The following CNTN3 variants were observed in gnomAD, a reference collection of about 807,000 sequenced individuals.
CNTN3 encodes contactin-3.
CNTN3 carries 60 observed loss-of-function variants against 119.1 expected under a neutral mutation model. The observed-to-expected ratio is 0.50, with a 90% CI of 0.41 to 0.62. The LOEUF (loss-of-function observed/expected upper bound fraction) is 0.62. Ranked by LOEUF, CNTN3 falls within the 20% of genes least tolerant of loss-of-function variation. CNTN3 has a pLI of 0.00. For missense variants in CNTN3, 1,101 were observed against 1,242.4 expected, an observed-to-expected ratio of 0.89 and a Z score of 1.71; for synonymous variants, 450 against 438.7, an observed-to-expected ratio of 1.03 and a Z score of -0.32.
chr3:74,535,627 A>G (rs1468027724), intron 1 of CNTN3, among the ~76,000 whole-genome samples: 4 of 152,080 alleles, frequency 2.6e-5, no homozygotes, highest in African/African-American at 4.8e-5. Context: ...AGGGCTGTCA[A>G]TGCGATACAA....
chr3:74,395,506 G>A (rs1575684986), intron 5 of CNTN3, among the ~76,000 whole-genome samples: 1 of 152,182 alleles, frequency 6.6e-6, no homozygotes, highest in East Asian at 1.9e-4. Flanking sequence ...ATTTAGTAAA[G>A]GTTATATAAG....
intron 3 of CNTN3, among the ~76,000 whole-genome samples, chr3:74,488,896 G>C (rs2107050929): frequency 6.6e-6 from 1 of 152,258 alleles, no homozygotes; most frequent in South Asian, 2.1e-4. Context: ...TATTTGCAAA[G>C]TAAACTCTCT....
At chr3:74,268,743 T>C (rs1370066664) in intron 20 of CNTN3, among the ~76,000 whole-genome samples, 1 of 152,116 alleles carries the variant, frequency 6.6e-6, no homozygotes, top group Non-Finnish European at 1.5e-5. Flanking sequence ...TCAAATAATA[T>C]GAATGTACAA....
chr3:74,464,362 A>T (rs1575752132), intron 4 of CNTN3, among the ~76,000 whole-genome samples: 1 of 152,234 alleles, frequency 6.6e-6, no homozygotes, highest in East Asian at 1.9e-4. Flanking sequence ...ACTTGGTTAT[A>T]GAACCCAAGC....
At chr3:74,486,720 C>T in intron 3 of CNTN3, 89 bp from the exon 4 acceptor site, 1 of 1,098,172 alleles carries the variant, frequency 9.1e-7, no homozygotes, top group Non-Finnish European at 1.3e-6. Context: ...AAACATTATC[C>T]CTCAAAAGTA....
intron 20 of CNTN3, among the ~76,000 whole-genome samples, chr3:74,279,289 C>T (rs1242212673): frequency 6.6e-6 from 1 of 151,988 alleles, no homozygotes; most frequent in East Asian, 1.9e-4. Context: ...AGTCATTATA[C>T]GAAAAAGATA....
In CNTN3 at chr3:74,430,729, C is replaced by T. The variant is rs115171529; in HGVS notation, c.359-5789G>A. ...CCTCTTTCTTGACTGTGTTGGTCAA[C>T]ACATGTACATCCATGTGATAAAATT... On this transcript the variant is annotated intron_variant, in intron 4 of 22. Coordinates refer to ENST00000263665, the MANE Select transcript of CNTN3 (RefSeq NM_020872.3). Among the ~76,000 whole-genome samples the T allele has an allele frequency of 3.0e-3, 454 of 152,172 alleles. 5 individuals are homozygous for T. The highest frequency in any genetic ancestry group is 9.3e-3 in the African/African-American group (388 of 41,514).
chr3:74,344,679 G>A (rs569535723), intron 11 of CNTN3, among the ~76,000 whole-genome samples: 3 of 151,794 alleles, frequency 2.0e-5, no homozygotes, highest in South Asian at 2.1e-4. Context: ...TAGGATGGTC[G>A]CAATTTCCTG....
chr3:74,338,057 A>G, intron 11 of CNTN3, among the ~76,000 whole-genome samples: 1 of 152,102 alleles, frequency 6.6e-6, no homozygotes, highest in South Asian at 2.1e-4. Flanking sequence ...CACATAATGC[A>G]TTTAACACTT....
rs556410671 is a variant in CNTN3, at chr3:74,585,494, G to A, written c.-81+28897C>T. Among the ~76,000 whole-genome samples the A allele has an allele frequency of 1.2e-4, 19 of 152,222 alleles. No individual in the cohort carries two copies. The South Asian group carries it at 3.9e-3, about 32-fold the overall frequency. On this transcript the variant is annotated intron_variant, in intron 1 of 22. Transcript: ENST00000263665. Reference sequence around the variant, plus strand: ...TTTCTTATTTTGAATTCAAGTTTTAGAGAAGTAAAGTATTACAAGTAAGTG... The same window carrying A: ...TTTCTTATTTTGAATTCAAGTTTTAAAGAAGTAAAGTATTACAAGTAAGTG...
At chr3:74,422,523 C>G (rs901385623) in intron 5 of CNTN3, among the ~76,000 whole-genome samples, 1 of 152,290 alleles carries the variant, frequency 6.6e-6, no homozygotes, top group Admixed American at 6.5e-5. Flanking sequence ...AATTTTATAA[C>G]ATTTGAATAG....
chr3:74,515,960 T>C (rs1703443388), intron 2 of CNTN3, among the ~76,000 whole-genome samples: 1 of 151,850 alleles, frequency 6.6e-6, no homozygotes, highest in Non-Finnish European at 1.5e-5. Context: ...CACACATCTA[T>C]CTCCCAATCG....
intron 13 of CNTN3, among the ~76,000 whole-genome samples, chr3:74,322,395 A>G (rs144701229): frequency 1.4e-4 from 22 of 152,302 alleles, no homozygotes; most frequent in Admixed American, 1.4e-3. Flanking sequence ...AGAATACAAA[A>G]ATATGTTCAA....
intron 1 of CNTN3, among the ~76,000 whole-genome samples, chr3:74,537,910 C>T (rs553813424): frequency 3.3e-5 from 5 of 152,010 alleles, no homozygotes; most frequent in African/African-American, 9.6e-5. Context: ...ATTCCAAGAC[C>T]CAGAAACAGA....
At chr3:74,375,943 G>T (rs945769967) in intron 5 of CNTN3, among the ~76,000 whole-genome samples, 17 of 152,136 alleles carry the variant, frequency 1.1e-4, no homozygotes, top group African/African-American at 3.4e-4. Context: ...TGTGAATTCT[G>T]GTAGGCCCAC....
At chr3:74,345,330 T>G (rs2106735179) in intron 11 of CNTN3, among the ~76,000 whole-genome samples, 1 of 152,292 alleles carries the variant, frequency 6.6e-6, no homozygotes, top group Middle Eastern at 3.4e-3. Context: ...CATAAGGTAA[T>G]AAAACTTTAG....
intron 4 of CNTN3, among the ~76,000 whole-genome samples, chr3:74,430,866 C>T (rs1168205246): frequency 6.6e-6 from 1 of 152,040 alleles, no homozygotes; most frequent in East Asian, 1.9e-4. Flanking sequence ...TCCTTATTTC[C>T]TTTTATTTTC....
At chr3:74,403,529 A>G (rs1029418945) in intron 5 of CNTN3, among the ~76,000 whole-genome samples, 2 of 152,184 alleles carry the variant, frequency 1.3e-5, no homozygotes, top group Non-Finnish European at 2.9e-5. Flanking sequence ...ATAGGAAAGC[A>G]GAAACAGCAA....
intron 8 of CNTN3, among the ~76,000 whole-genome samples, chr3:74,366,826 T>G (rs1180364099): frequency 3.2e-5 from 3 of 94,010 alleles, no homozygotes; most frequent in Non-Finnish European, 6.3e-5. Flanking sequence ...CAGTATGAAG[T>G]GTAGTTCAGT....
Sources: gnomAD v4.1 joint callset for allele counts (sites outside exome capture counted in the v4.1 genomes callset) on GRCh38, gnomAD v4.1.1 for gene constraint, MANE v1.5 for transcripts, NCBI Gene and HGNC (gene_info 2026-07-23, HGNC 2026-07-21) for gene names.